NKAIN3: variants seen among roughly 807,000 people sequenced by gnomAD.
NKAIN3 encodes the protein sodium/potassium-transporting ATPase subunit beta-1-interacting protein 3.
In NKAIN3, 25 loss-of-function variants were observed where a neutral mutation model predicts 30.2. That is an observed-to-expected ratio of 0.83 (90% CI 0.60 to 1.16). The LOEUF (loss-of-function observed/expected upper bound fraction) is 1.16, where lower values mean the gene tolerates loss of function less well. Ranked by LOEUF, NKAIN3 falls within the 50% of genes most tolerant of loss-of-function variation. The pLI, the probability that NKAIN3 is intolerant of heterozygous loss-of-function variation, is 0.00. For synonymous variants in NKAIN3, 91 were observed against 89.6 expected (o/e 1.02, Z -0.09); for missense variants, 225 against 254.1 (o/e 0.89, Z 0.78).
At chr8:62,265,587 G>A (rs10101551) in intron 1 of NKAIN3, among the ~76,000 whole-genome samples, 91,126 of 152,032 alleles carry the variant, frequency 0.6, 27,593 homozygotes, top group East Asian at 0.68. Flanking sequence ...ATTTAAATAT[G>A]AAAGTAAATC....
chr8:62,410,414 G>A (rs1184162410), intron 1 of NKAIN3, among the ~76,000 whole-genome samples: 1 of 152,154 alleles, frequency 6.6e-6, no homozygotes, highest in East Asian at 1.9e-4. Flanking sequence ...ACAAGGCAAT[G>A]AACATGTAAG....
rs556663698 is a variant in NKAIN3 at position 62,558,032 on chromosome 8, T to C, written c.55-21507T>C. Among the ~76,000 whole-genome samples the C allele has an allele frequency of 3.5e-4, 53 of 152,312 alleles. 1 individual carries two copies. The South Asian group carries it at 7.9e-3, about 23-fold the overall frequency. ...CCAATGCTATCTTCCAGAATTTTTATAGTTTCAGGTCTTAGATTTAAGTCC... is the reference window on the plus strand; with the variant it reads ...CCAATGCTATCTTCCAGAATTTTTACAGTTTCAGGTCTTAGATTTAAGTCC... On this transcript the variant is annotated intron_variant, in intron 1 of 6. Coordinates refer to ENST00000623646, the MANE Select transcript of NKAIN3 (RefSeq NM_001304533.3).
intron 1 of NKAIN3, among the ~76,000 whole-genome samples, chr8:62,341,335 T>C (rs180914540): frequency 6.6e-6 from 1 of 152,220 alleles, no homozygotes; most frequent in East Asian, 1.9e-4. Flanking sequence ...GTTCCCATAC[T>C]GTTGGCATCT....
At chr8:62,475,919 A>G (rs781579235) in intron 1 of NKAIN3, among the ~76,000 whole-genome samples, 2 of 152,200 alleles carry the variant, frequency 1.3e-5, no homozygotes, top group Non-Finnish European at 2.9e-5. Flanking sequence ...CTCTTCTTGA[A>G]CTTGGGCAAG....
At chr8:62,287,935 G>A (rs1267418435) in intron 1 of NKAIN3, among the ~76,000 whole-genome samples, 1 of 152,122 alleles carries the variant, frequency 6.6e-6, no homozygotes, top group Non-Finnish European at 1.5e-5. Context: ...CGCTTAACCT[G>A]TATGTTCTAG....
chr8:62,818,556 C>T (rs1349525160), intron 4 of NKAIN3, among the ~76,000 whole-genome samples: 1 of 147,368 alleles, frequency 6.8e-6, no homozygotes, highest in Middle Eastern at 3.2e-3. Flanking sequence ...CTTGTTTGTT[C>T]ATTTATTTGT....
chr8:62,847,988 T>C (rs1257455283), intron 4 of NKAIN3, among the ~76,000 whole-genome samples: 1 of 152,182 alleles, frequency 6.6e-6, no homozygotes, highest in African/African-American at 2.4e-5. Flanking sequence ...CAGATAGTTG[T>C]AGGTGTGTGG....
intron 3 of NKAIN3, among the ~76,000 whole-genome samples, chr8:62,629,581 A>G (rs1469865745): frequency 6.6e-6 from 1 of 152,134 alleles, no homozygotes; most frequent in Non-Finnish European, 1.5e-5. Flanking sequence ...CATAGTAGGC[A>G]CTCCATAAAT....
chr8:62,863,817 G>T (rs1586283686), intron 4 of NKAIN3: 1 of 1,611,124 alleles, frequency 6.2e-7, no homozygotes, highest in Non-Finnish European at 8.5e-7. Context: ...ACATGATACC[G>T]GCCATTGAAG....
intron 1 of NKAIN3, among the ~76,000 whole-genome samples, chr8:62,543,706 G>C (rs1412603826): frequency 6.6e-6 from 1 of 152,036 alleles, no homozygotes; most frequent in African/African-American, 2.4e-5. Context: ...CAAAATCTTT[G>C]CCAATGTGTA....
At chr8:62,864,221 G>T in intron 4 of NKAIN3, 1 of 721,084 alleles carries the variant, frequency 1.4e-6, no homozygotes, top group Middle Eastern at 2.7e-4. Context: ...GCGCAGAAGT[G>T]AAACTAAAAA....
chr8:62,634,764 A>G (rs1812073551), intron 3 of NKAIN3, among the ~76,000 whole-genome samples: 1 of 152,092 alleles, frequency 6.6e-6, no homozygotes. Flanking sequence ...CAAAGAAGAG[A>G]AAGAGGAGGG....
chr8:62,950,944 CT>C (rs71559384), intron 5 of NKAIN3, among the ~76,000 whole-genome samples: 18,649 of 100,722 alleles, frequency 0.19, 1,236 homozygotes, highest in East Asian at 0.34. Context: ...AAACAGAATC[CT>C]TTTTTTTTTT....
chr8:62,707,008 GT>G (rs1463704231), intron 3 of NKAIN3, among the ~76,000 whole-genome samples: 2 of 151,478 alleles, frequency 1.3e-5, no homozygotes, highest in Non-Finnish European at 2.9e-5. Context: ...TGCAAATGCT[GT>G]TAATTCATCC....
chr8:62,852,712 C>T (rs1175326352), intron 4 of NKAIN3, among the ~76,000 whole-genome samples: 2 of 152,050 alleles, frequency 1.3e-5, no homozygotes, highest in African/African-American at 2.4e-5. Flanking sequence ...TCGTTATGTA[C>T]CCAGTAGTCA....
rs189923558 is a variant in NKAIN3 at position 62,771,489 on chromosome 8, A to G, written c.471+24360A>G. Among the ~76,000 whole-genome samples, 233 of 152,252 alleles carry G rather than the reference A, an allele frequency of 1.5e-3. 1 individual carries two copies. Among genetic ancestry groups the G allele is most frequent in the African/African-American group, 5.4e-3 (224 of 41,574 alleles). On this transcript the variant is annotated intron_variant, in intron 4 of 6. Coordinates refer to ENST00000623646, the MANE Select transcript of NKAIN3 (RefSeq NM_001304533.3). ...TATTCAATTTGATGAAAAAATAATAATAATTAAAGAACAAATAAAAGAACC... is the reference window on the plus strand; with the variant it reads ...TATTCAATTTGATGAAAAAATAATAGTAATTAAAGAACAAATAAAAGAACC...
intron 1 of NKAIN3, among the ~76,000 whole-genome samples, chr8:62,575,925 G>T (rs1403256845): frequency 3.9e-5 from 6 of 152,092 alleles, no homozygotes; most frequent in Admixed American, 2.0e-4. Context: ...GCAGAAGAAT[G>T]AAACTGGACT....
intron 4 of NKAIN3, among the ~76,000 whole-genome samples, chr8:62,771,578 G>A (rs1194252339): frequency 2.0e-5 from 3 of 151,998 alleles, no homozygotes; most frequent in Non-Finnish European, 4.4e-5. Context: ...CAGAAAGAGA[G>A]ATGAGAGAGT....
At chr8:62,957,107 A>C (rs1482535146) in intron 6 of NKAIN3, among the ~76,000 whole-genome samples, 1 of 151,812 alleles carries the variant, frequency 6.6e-6, no homozygotes, top group African/African-American at 2.4e-5. Context: ...TTTTGTTCAC[A>C]CAAAAACTTA....
Sources: gnomAD v4.1 joint callset for allele counts (sites outside exome capture counted in the v4.1 genomes callset) on GRCh38, gnomAD v4.1.1 for gene constraint, MANE v1.5 for transcripts, NCBI Gene and HGNC (gene_info 2026-07-23, HGNC 2026-07-21) for gene names.